NUP42: variants seen among roughly 807,000 people sequenced by gnomAD.
NUP42 encodes nucleoporin NUP42.
In NUP42, 47 loss-of-function variants were observed where a neutral mutation model predicts 35.9. That is an observed-to-expected ratio of 1.31 (90% CI 1.04 to 1.67). The LOEUF (loss-of-function observed/expected upper bound fraction) is 1.67. Among genes scored for constraint, NUP42 ranks in the 40% most tolerant of loss-of-function variants. NUP42 has a pLI of 0.00. For missense variants in NUP42, 514 were observed against 492.2 expected (o/e 1.04, Z -0.42); for synonymous variants, 173 against 173.3 (o/e 1.00, Z 0.01).
chr7:23,182,313 G>A, intron 1 of NUP42, 107 bp downstream of exon 1: 2 of 1,498,348 alleles, frequency 1.3e-6, no homozygotes, highest in Non-Finnish European at 1.8e-6. Flanking sequence ...ACGTGCCCGC[G>A]TCGCGGCCTT....
intron 3 of NUP42, chr7:23,188,586 A>C: frequency 2.1e-6 from 2 of 960,294 alleles, no homozygotes; most frequent in Non-Finnish European, 2.5e-6. Flanking sequence ...GGTTAAATTT[A>C]AATTTCAGAT....
At chr7:23,194,232 G>GA (rs1583773023) in intron 3 of NUP42, among the ~76,000 whole-genome samples, 1 of 152,272 alleles carries the variant, frequency 6.6e-6, no homozygotes, top group Non-Finnish European at 1.5e-5. Flanking sequence ...AGCCCAGGTA[G>GA]AGGAGGTACC....
At chr7:23,193,232 C>T (rs1637220) in intron 3 of NUP42, among the ~76,000 whole-genome samples, 24 of 152,022 alleles carry the variant, frequency 1.6e-4, no homozygotes, top group Admixed American at 9.8e-4. Context: ...AGCAAAAGAA[C>T]GAAGCTTCCA....
At chr7:23,182,399 T>C in intron 1 of NUP42, 193 bp downstream of exon 1, 8 of 1,393,730 alleles carry the variant, frequency 5.7e-6, no homozygotes, top group Non-Finnish European at 7.5e-6. Flanking sequence ...GGTCCGTTTT[T>C]ATTGAGCTTC....
intron 3 of NUP42, among the ~76,000 whole-genome samples, chr7:23,192,938 A>C (rs1397069229): frequency 2.0e-5 from 3 of 152,218 alleles, no homozygotes; most frequent in Non-Finnish European, 4.4e-5. Flanking sequence ...ACAGTTCTTA[A>C]AGACATCGTG....
intron 3 of NUP42, among the ~76,000 whole-genome samples, chr7:23,192,558 A>AAG (rs1562607328): frequency 1.3e-5 from 2 of 151,708 alleles, no homozygotes; most frequent in African/African-American, 4.8e-5. Context: ...AAAAAAAAAA[A>AAG]AAAAAGAAAA....
rs780941512 is a variant in NUP42, at chr7:23,200,208, C to G, written c.735C>G (p.Asn245Lys). ...ACAGCAGCAGTGATAATGCTCAGAA[C>G]TTTAGTTTTAAAACAAACTCTGGAT... ...VNNSSSDNAQNFSFKTNSGFA... is the reference protein window; with the variant it reads ...VNNSSSDNAQKFSFKTNSGFA... Residue 245 changes from asparagine (N) to lysine (K), a missense_variant, in exon 7 of 7, where the codon AAC becomes AAG. Transcript: ENST00000258742. The G allele has an allele frequency of 1.9e-6, 3 of 1,602,784 alleles. No homozygotes were observed. The highest frequency in any genetic ancestry group is 2.6e-6 in the Non-Finnish European group (3 of 1,173,358).
chr7:23,200,474 C>T lies in NUP42; in HGVS notation c.1001C>T (p.Pro334Leu), dbSNP rs1346224040. ...ATGPVRAPVA[P>L]AFGGGSSVAG... ...GGTCCTGTCAGAGCTCCAGTGGCCCCAGCCTTTGGAGGTGGCAGTTCTGTG... is the reference window on the plus strand; with the variant it reads ...GGTCCTGTCAGAGCTCCAGTGGCCCTAGCCTTTGGAGGTGGCAGTTCTGTG... Residue 334 changes from proline to leucine, a missense_variant, in exon 7 of 7, where the codon CCA (proline) becomes CTA (leucine). Transcript: ENST00000258742. 3.7e-6 allele frequency: 6 copies of T among 1,614,096 alleles called. No individual in the cohort carries two copies. The highest frequency in any genetic ancestry group is 2.2e-5 in the East Asian group (1 of 44,900).
chr7:23,187,821 G>C (rs894074308), intron 3 of NUP42, among the ~76,000 whole-genome samples: 1 of 151,366 alleles, frequency 6.6e-6, no homozygotes, highest in Non-Finnish European at 1.5e-5. Context: ...GGCCAGTCTA[G>C]TCTAGAACTC....
rs1472903067 is a variant in NUP42, at chr7:23,185,211, C to T, written c.263C>T (p.Ser88Leu). The change falls in exon 2 of 7, where the codon TCA becomes TTA. Residue 88 changes from serine to leucine, a missense_variant. Physicochemically the swap from Ser to Leu is moderately radical, Grantham distance 145. Transcript: ENST00000258742. ...TTCAGTTCTTTTGATTCTGGAGCTT[C>T]AACTAACAGGAAGGAAGGCTTTGGA... ...PYFSSFDSGA[S>L]TNRKEGFGLS... 3 of 1,614,020 alleles carry T rather than the reference C, an allele frequency of 1.9e-6. No homozygotes were observed. The highest frequency in any genetic ancestry group is 2.5e-6 in the Non-Finnish European group (3 of 1,180,036).
chr7:23,197,240 T>TC, intron 5 of NUP42: 1 of 1,293,086 alleles, frequency 7.7e-7, no homozygotes, highest in Non-Finnish European at 1.0e-6. Context: ...GGCAAGTTCA[T>TC]TATCTTTGTA....
chr7:23,185,374 T>C (rs1785556648), intron 2 of NUP42, 76 bp downstream of exon 2: 2 of 965,882 alleles, frequency 2.1e-6, no homozygotes, highest in Non-Finnish European at 3.2e-6. Context: ...TGTTTCTCTT[T>C]TTTTGTAACA....
intron 3 of NUP42, among the ~76,000 whole-genome samples, chr7:23,193,824 G>C (rs1413618482): frequency 6.6e-6 from 1 of 152,354 alleles, no homozygotes; most frequent in African/African-American, 2.4e-5. Context: ...AGGAGCGCAC[G>C]GAGGTGAGGG....
chr7:23,193,398 C>T (rs537668996), intron 3 of NUP42, among the ~76,000 whole-genome samples: 111 of 152,248 alleles, frequency 7.3e-4, no homozygotes, highest in Middle Eastern at 6.8e-3. Flanking sequence ...CGTTTACAAT[C>T]CCTGAGCTAG....
At chr7:23,199,427 A>G (rs1016044835) in intron 5 of NUP42, 31 bp from the exon 6 acceptor site, 57 of 1,551,696 alleles carry the variant, frequency 3.7e-5, no homozygotes, top group Non-Finnish European at 4.7e-5. Flanking sequence ...TTCATCAAGC[A>G]CTTTATTATT....
chr7:23,197,235 G>C, intron 5 of NUP42: 4 of 1,295,662 alleles, frequency 3.1e-6, no homozygotes, highest in Non-Finnish European at 4.1e-6. Flanking sequence ...ACTGTGGCAA[G>C]TTCATTATCT....
At chr7:23,197,583 G>A (rs1786057072) in intron 5 of NUP42, among the ~76,000 whole-genome samples, 1 of 152,214 alleles carries the variant, frequency 6.6e-6, no homozygotes, top group Non-Finnish European at 1.5e-5. Context: ...CACCATGGAT[G>A]AGAGCTGATG....
chr7:23,197,195 C>A (rs767168365), intron 5 of NUP42: 5 of 1,300,432 alleles, frequency 3.8e-6, no homozygotes, highest in African/African-American at 3.0e-5. Context: ...AAGATATATA[C>A]CCACCTGTCT....
chr7:23,182,049 C>G lies in NUP42; in HGVS notation c.-37C>G. On this transcript the variant is annotated 5_prime_UTR_variant, in exon 1 of 7. Transcript: ENST00000258742. The stretch of plus-strand genomic sequence containing the variant: ...GCCCAGTAACAGGCATCGAACGGTG[C>G]AGACTGAAGACGCCCTCCGTCAGCG... 2 of 1,610,954 alleles carry G rather than the reference C, an allele frequency of 1.2e-6. No homozygotes were observed. The highest frequency in any genetic ancestry group is 1.7e-6 in the Non-Finnish European group (2 of 1,179,574).
Sources: gnomAD v4.1 joint callset for allele counts (sites outside exome capture counted in the v4.1 genomes callset) on GRCh38, gnomAD v4.1.1 for gene constraint, MANE v1.5 for transcripts, NCBI Gene and HGNC (gene_info 2026-07-23, HGNC 2026-07-21) for gene names.